The following ATP10D variants were observed in gnomAD, a reference collection of about 807,000 sequenced individuals.
The protein encoded by ATP10D is phospholipid-transporting ATPase VD.
In ATP10D, 89 loss-of-function variants were observed where a neutral mutation model predicts 144.8. The ratio of observed to expected loss-of-function variants is 0.61; its 90% CI spans 0.52 to 0.73. The LOEUF (loss-of-function observed/expected upper bound fraction) is 0.73, where lower values mean the gene tolerates loss of function less well. Among genes scored for constraint, ATP10D ranks in the 30% least tolerant of loss-of-function variants. The pLI, the probability that ATP10D is intolerant of heterozygous loss-of-function variation, is 0.00. For missense variants in ATP10D, 1,603 were observed against 1,714.8 expected (o/e 0.93, Z 1.15); for synonymous variants, 571 against 615.1 (o/e 0.93, Z 1.06).
intron 22 of ATP10D, 54 bp from the exon 23 acceptor site, chr4:47,590,987 GT>G: frequency 8.2e-7 from 1 of 1,212,872 alleles, no homozygotes; most frequent in South Asian, 1.7e-5. Context: ...GGGGGGGGGG[GT>G]TCTGTAATGC....
At chr4:47,582,593 AACCACCT>A (rs1720575538) in intron 21 of ATP10D, among the ~76,000 whole-genome samples, 1 of 152,108 alleles carries the variant, frequency 6.6e-6, no homozygotes, top group Non-Finnish European at 1.5e-5. Flanking sequence ...CGTGGGCTGG[AACCACCT>A]TATCCCTCTT....
rs1721115540 is a variant in ATP10D, at chr4:47,593,117, A to T, written c.*1736A>T. Reference sequence around the variant, plus strand: ...TTTAGAGATATGTTCACTTGTAAATAAAAAGGTTAGAATCTAAGGACAAAG... The same window carrying T: ...TTTAGAGATATGTTCACTTGTAAATTAAAAGGTTAGAATCTAAGGACAAAG... On this transcript the variant is annotated 3_prime_UTR_variant, in exon 23 of 23. Transcript: ENST00000273859. 1 of 152,112 alleles carries T rather than the reference A, an allele frequency of 6.6e-6. No individual in the cohort carries two copies. Among genetic ancestry groups the T allele is most frequent in the Non-Finnish European group, 1.5e-5 (1 of 67,994 alleles). The allele number at this position is 152,112 out of a possible 1,614,324, so 9.4% of individuals were successfully genotyped here. A position where few individuals can be genotyped will look rare whatever the true frequency, so the allele number is the denominator to read the frequency against.
intron 10 of ATP10D, 33 bp downstream of exon 10, chr4:47,546,895 A>G (rs981097890): frequency 9.0e-6 from 14 of 1,548,074 alleles, no homozygotes; most frequent in Middle Eastern, 2.3e-4. Flanking sequence ...AGTCTTGCAC[A>G]TCCACAATGT....
chr4:47,560,720 G>C (rs1352380839), intron 13 of ATP10D, among the ~76,000 whole-genome samples: 1 of 152,144 alleles, frequency 6.6e-6, no homozygotes, highest in Admixed American at 6.5e-5. Context: ...AGAATTTCCA[G>C]AGATGCTGAG....
intron 18 of ATP10D, among the ~76,000 whole-genome samples, chr4:47,576,083 C>T (rs1417939904): frequency 4.0e-5 from 6 of 151,510 alleles, no homozygotes; most frequent in African/African-American, 1.5e-4. Context: ...AGGCGCCCGC[C>T]ACTACGCCCG....
chr4:47,569,249 C>T (rs1341213881), intron 16 of ATP10D, 103 bp downstream of exon 16: 1 of 1,344,828 alleles, frequency 7.4e-7, no homozygotes, highest in African/African-American at 1.5e-5. Context: ...CCATTTTCCT[C>T]CTCCCTTTTT....
chr4:47,543,757 G>C (rs192963432), intron 9 of ATP10D, among the ~76,000 whole-genome samples: 9 of 152,180 alleles, frequency 5.9e-5, no homozygotes, highest in African/African-American at 1.9e-4. Context: ...CTCCTCAGCT[G>C]CAGAGTGGGC....
intron 17 of ATP10D, among the ~76,000 whole-genome samples, chr4:47,572,578 A>G (rs1278084360): frequency 6.6e-6 from 1 of 151,862 alleles, no homozygotes; most frequent in Non-Finnish European, 1.5e-5. Context: ...AGACCGAGGG[A>G]AAAAAAGGGA....
chr4:47,504,855 C>G (rs1715935251), intron 1 of ATP10D, among the ~76,000 whole-genome samples: 1 of 152,164 alleles, frequency 6.6e-6, no homozygotes, highest in Admixed American at 6.5e-5. Flanking sequence ...CTTAGAAATC[C>G]ATAGATACGA....
At chr4:47,543,095 G>A (rs144077380) in intron 9 of ATP10D, among the ~76,000 whole-genome samples, 151 of 152,220 alleles carry the variant, frequency 9.9e-4, no homozygotes, top group African/African-American at 3.4e-3. Flanking sequence ...GAGAGAAAAA[G>A]AGAGATCACA....
rs771595199 is a variant in ATP10D, at chr4:47,591,270, C to T, written c.4170C>T (p.Ser1390=). ...TATTTGCAATGAAGTCAGCAAGTTC[C>T]TGTGCTATTGAGCAAGGAAACTTAT... ...SAVFAMKSAS[S]CAIEQGNLSL... Residue 1390 remains serine (S), a synonymous_variant, in exon 23 of 23, where the codon TCC becomes TCT. Coordinates refer to ENST00000273859, the MANE Select transcript of ATP10D (RefSeq NM_020453.4). 15 of 1,613,468 alleles carry T rather than the reference C, an allele frequency of 9.3e-6. No individual in the cohort carries two copies. Among genetic ancestry groups the T allele is most frequent in the African/African-American group, 1.3e-5 (1 of 74,876 alleles).
In ATP10D at chr4:47,500,238, C is replaced by T. The variant is rs192656231; in HGVS notation, c.-37-12266C>T. On this transcript the variant is annotated intron_variant, in intron 1 of 22. Transcript: ENST00000273859. ...GATGGAGGAGGGAGACAGACAAAAG[C>T]TAAAATACCAAAGTAAATTATGCAT... Among the ~76,000 whole-genome samples the T allele has an allele frequency of 3.3e-5, 5 of 152,230 alleles. No homozygotes were observed. The East Asian group carries it at 9.6e-4, about 29-fold the overall frequency.
chr4:47,549,534 T>G (rs1304913283), intron 10 of ATP10D, among the ~76,000 whole-genome samples: 1 of 152,254 alleles, frequency 6.6e-6, no homozygotes, highest in Non-Finnish European at 1.5e-5. Flanking sequence ...ATAATGAATT[T>G]ATTAATGAAT....
At chr4:47,511,860 G>A (rs115265005) in intron 1 of ATP10D, among the ~76,000 whole-genome samples, 2,603 of 152,302 alleles carry the variant, frequency 0.017, 77 homozygotes, top group African/African-American at 0.059. Flanking sequence ...GTGGGCTACA[G>A]TGGTTCCTAG....
intron 22 of ATP10D, 63 bp from the exon 23 acceptor site, chr4:47,590,979 G>GT: frequency 8.6e-7 from 1 of 1,160,652 alleles, no homozygotes; most frequent in Non-Finnish European, 1.2e-6. Context: ...TAGTATTTGG[G>GT]GGGGGGGGTT....
chr4:47,486,834 G>T (rs901470292), intron 1 of ATP10D, among the ~76,000 whole-genome samples: 2 of 152,104 alleles, frequency 1.3e-5, no homozygotes, highest in Non-Finnish European at 2.9e-5. Flanking sequence ...TCATTAAATT[G>T]CATGAAAAAG....
Position 47,499,213 on chromosome 4 carries a change from T to C in ATP10D, c.-37-13291T>C, listed in dbSNP as rs890209094. ...CGTGCCTGATCCGTTTACTAGACTC[T>C]GTACTTCTGGAGGACAGAAACCATG... On this transcript the variant is annotated intron_variant, in intron 1 of 22. Transcript: ENST00000273859. Among the ~76,000 whole-genome samples the C allele has an allele frequency of 4.6e-5, 7 of 152,352 alleles. No individual in the cohort carries two copies. In the East Asian group the frequency reaches 1.4e-3, roughly 29 times the overall value.
chr4:47,491,891 G>C (rs114504100), intron 1 of ATP10D, among the ~76,000 whole-genome samples: 80 of 152,114 alleles, frequency 5.3e-4, no homozygotes, highest in African/African-American at 1.9e-3. Context: ...TATACTGCAT[G>C]ATTATCCTAA....
At chr4:47,535,830 G>C in intron 6 of ATP10D, 72 bp from the exon 7 acceptor site, 1 of 1,505,468 alleles carries the variant, frequency 6.6e-7, no homozygotes, top group Non-Finnish European at 9.0e-7. Context: ...CTGCAAGAGA[G>C]ATTTTTAAAT....
Sources: gnomAD v4.1 joint callset for allele counts (sites outside exome capture counted in the v4.1 genomes callset) on GRCh38, gnomAD v4.1.1 for gene constraint, MANE v1.5 for transcripts, NCBI Gene and HGNC (gene_info 2026-07-23, HGNC 2026-07-21) for gene names.